The following NEBL variants were observed in gnomAD, a reference collection of about 807,000 sequenced individuals.
NEBL encodes the protein LIM and SH3 protein 2.
Under a neutral mutation model 140.2 loss-of-function variants are expected in NEBL, and 122 were observed. That is an observed-to-expected ratio of 0.87 (90% CI 0.75 to 1.01). The LOEUF (loss-of-function observed/expected upper bound fraction) is 1.01. Ranked by LOEUF, NEBL falls within the 50% of genes least tolerant of loss-of-function variation. The pLI is 0.00. For synonymous variants in NEBL, 436 were observed against 398.9 expected, an observed-to-expected ratio of 1.09 and a Z score of -1.11; for missense variants, 1,365 against 1,231.3, an observed-to-expected ratio of 1.11 and a Z score of -1.62.
chr10:20,944,711 C>T (rs2131579164), intron 4 of NEBL, among the ~76,000 whole-genome samples: 1 of 152,350 alleles, frequency 6.6e-6, no homozygotes. Flanking sequence ...ACCACACAGA[C>T]ACCTTTGCTC....
chr10:21,029,979 A>G, intron 2 of NEBL: 1 of 500,324 alleles, frequency 2.0e-6, no homozygotes, highest in Admixed American at 2.8e-5. Flanking sequence ...ATAATGATAG[A>G]CGTCCCCCGT....
At position 20,783,335 on chromosome 10, in the gene NEBL, T is replaced by C. The variant is rs1835151415; in HGVS notation, c.*2412A>G. Reference sequence around the variant, plus strand: ...GAGCATGCAACATCTTGTTCAGTTTTAGTCTTCATTGTAAAACAACTACCC... The same window carrying C: ...GAGCATGCAACATCTTGTTCAGTTTCAGTCTTCATTGTAAAACAACTACCC... On this transcript the variant is annotated 3_prime_UTR_variant, in exon 28 of 28. Coordinates refer to ENST00000377122, the MANE Select transcript of NEBL (RefSeq NM_006393.3). 1 of 152,224 alleles carries C rather than the reference T, an allele frequency of 6.6e-6. No homozygotes were observed. Among genetic ancestry groups the C allele is most frequent in the Non-Finnish European group, 1.5e-5 (1 of 68,046 alleles). 9.4% of individuals were successfully genotyped at this position (152,224 alleles called of 1,614,324 possible).
intron 3 of NEBL, among the ~76,000 whole-genome samples, chr10:21,245,527 T>TTTG (rs111870394): frequency 0.058 from 8,770 of 151,930 alleles, 286 homozygotes; most frequent in South Asian, 0.16. Context: ...TCTGTTTGGG[T>TTTG]TTGTTGTTGT....
rs376662989 is a variant in NEBL at position 20,863,720 on chromosome 10, A to T, written c.685-3894T>A. On this transcript the variant is annotated intron_variant, in intron 7 of 27. Coordinates refer to ENST00000377122, the MANE Select transcript of NEBL (RefSeq NM_006393.3). ...TTTCCCATAATAGTGGATCAAAGGCATATGAGCCCTGTCTCCATGGAGCCT... is the reference window on the plus strand; with the variant it reads ...TTTCCCATAATAGTGGATCAAAGGCTTATGAGCCCTGTCTCCATGGAGCCT... 3.9e-3 allele frequency among the ~76,000 whole-genome samples: 588 copies of T among 152,320 alleles called. 3 individuals are homozygous for T. Among genetic ancestry groups the T allele is most frequent in the African/African-American group, 0.013 (557 of 41,572 alleles).
At chr10:21,069,013 C>T (rs572788809) in intron 2 of NEBL, among the ~76,000 whole-genome samples, 4 of 152,266 alleles carry the variant, frequency 2.6e-5, no homozygotes, top group African/African-American at 7.2e-5. Flanking sequence ...CTCACTCTCC[C>T]GAGTAGCTGG....
intron 2 of NEBL, 96 bp downstream of exon 2, chr10:20,896,862 T>A: frequency 2.9e-6 from 3 of 1,047,950 alleles, no homozygotes; most frequent in Non-Finnish European, 4.5e-6. Flanking sequence ...TTTTAAAAGG[T>A]GATTTCAGGG....
chr10:20,956,771 T>TA (rs956202921), intron 4 of NEBL, among the ~76,000 whole-genome samples: 34 of 149,934 alleles, frequency 2.3e-4, no homozygotes, highest in Admixed American at 4.7e-4. Flanking sequence ...TTCTCATATT[T>TA]AAAAAAAAAA....
chr10:20,842,710 T>G (rs1841510177), intron 12 of NEBL, among the ~76,000 whole-genome samples: 1 of 152,046 alleles, frequency 6.6e-6, no homozygotes, highest in Non-Finnish European at 1.5e-5. Context: ...ATCCATTACC[T>G]CAAATATTTA....
intron 3 of NEBL, among the ~76,000 whole-genome samples, chr10:20,964,026 T>C (rs1836179479): frequency 6.6e-6 from 1 of 152,198 alleles, no homozygotes; most frequent in South Asian, 2.1e-4. Context: ...TAGGTCTAAT[T>C]TTAAATGTGG....
At chr10:20,875,651 G>A (rs946508581) in intron 5 of NEBL, among the ~76,000 whole-genome samples, 3 of 152,130 alleles carry the variant, frequency 2.0e-5, no homozygotes, top group African/African-American at 7.2e-5. Flanking sequence ...TGGAAGTCAA[G>A]GAGATGACTT....
chr10:21,020,869 C>T (rs1838763004), intron 2 of NEBL, among the ~76,000 whole-genome samples: 1 of 152,162 alleles, frequency 6.6e-6, no homozygotes, highest in South Asian at 2.1e-4. Flanking sequence ...TCTCAGTCTA[C>T]ACCATCACCT....
At chr10:21,006,847 A>C (rs1296596293) in intron 3 of NEBL, among the ~76,000 whole-genome samples, 1 of 152,214 alleles carries the variant, frequency 6.6e-6, no homozygotes, top group African/African-American at 2.4e-5. Flanking sequence ...CCATGAAGCA[A>C]TCAAACCATT....
chr10:21,145,437 A>C (rs1839846997), intron 2 of NEBL, among the ~76,000 whole-genome samples: 1 of 152,252 alleles, frequency 6.6e-6, no homozygotes, highest in Non-Finnish European at 1.5e-5. Flanking sequence ...AAAAGGATTA[A>C]ATAGATCTAT....
intron 21 of NEBL, among the ~76,000 whole-genome samples, chr10:20,817,186 C>G (rs1205266176): frequency 6.6e-6 from 1 of 151,852 alleles, no homozygotes; most frequent in African/African-American, 2.4e-5. Flanking sequence ...TTGAGACCAG[C>G]CCAAACCCCG....
intron 26 of NEBL, among the ~76,000 whole-genome samples, chr10:20,803,955 G>C (rs1837379019): frequency 6.6e-6 from 1 of 150,948 alleles, no homozygotes; most frequent in Non-Finnish European, 1.5e-5. Flanking sequence ...CCTTCCCCAA[G>C]AGAATTTTAT....
chr10:20,867,779 C>T (rs1588879042), intron 7 of NEBL: 1 of 152,110 alleles, frequency 6.6e-6, no homozygotes, highest in African/African-American at 2.4e-5. Flanking sequence ...ATTAGCTAAT[C>T]CAACTTCTTC....
chr10:21,187,341 C>T (rs756797013), intron 3 of NEBL, among the ~76,000 whole-genome samples: 1 of 152,032 alleles, frequency 6.6e-6, no homozygotes. Context: ...CTAGGTAAGA[C>T]AGGAAGAGAA....
chr10:21,073,155 C>T (rs1835894769), intron 2 of NEBL, among the ~76,000 whole-genome samples: 1 of 152,078 alleles, frequency 6.6e-6, no homozygotes, highest in Admixed American at 6.6e-5. Flanking sequence ...ACTCCCCAAC[C>T]CTGGAAAAAT....
intron 2 of NEBL, among the ~76,000 whole-genome samples, chr10:21,025,929 C>T (rs1264611675): frequency 6.6e-6 from 1 of 152,128 alleles, no homozygotes; most frequent in Non-Finnish European, 1.5e-5. Context: ...ATCACTATTA[C>T]TATTAATATT....
Sources: gnomAD v4.1 joint callset for allele counts (sites outside exome capture counted in the v4.1 genomes callset) on GRCh38, gnomAD v4.1.1 for gene constraint, MANE v1.5 for transcripts, NCBI Gene and HGNC (gene_info 2026-07-23, HGNC 2026-07-21) for gene names.